Variants in USP24 observed in about 807,000 individuals in gnomAD.
USP24 encodes ubiquitin carboxyl-terminal hydrolase 24.
USP24 carries 97 observed loss-of-function variants against 361.6 expected under a neutral mutation model. The observed-to-expected ratio is 0.27, with a 90% confidence interval of 0.23 to 0.32. The LOEUF (loss-of-function observed/expected upper bound fraction) is 0.32, where lower values mean the gene tolerates loss of function less well. USP24 is among the 10% of genes least tolerant of loss of function. The pLI is 1.00. For missense variants in USP24, 2,353 were observed against 3,165.6 expected, an observed-to-expected ratio of 0.74 and a Z score of 6.16; for synonymous variants, 1,098 against 1,124.6, an observed-to-expected ratio of 0.98 and a Z score of 0.47.
At position 55,146,938 on chromosome 1, in the gene USP24, T is replaced by C. The variant is rs1215014796; in HGVS notation, c.2241A>G (p.Leu747=). 5.0e-6 allele frequency: 8 copies of C among 1,612,320 alleles called. No individual in the cohort carries two copies. The South Asian group carries it at 8.8e-5, about 18-fold the overall frequency. The change falls in exon 19 of 68, where the codon TTA becomes TTG. Residue 747 remains leucine (L), a synonymous_variant. Transcript: ENST00000294383. ...AATACCACCTTCTTACCTCTCTATC[T>C]AATTCACAAACATCCTGGCCAGTTA... The part of the protein sequence containing the change: ...CLVTGQDVCE[L]DREMCFEWFT...
intron 1 of USP24, among the ~76,000 whole-genome samples, chr1:55,192,786 A>T (rs1419558122): frequency 6.6e-6 from 1 of 152,244 alleles, no homozygotes; most frequent in Non-Finnish European, 1.5e-5. Flanking sequence ...ATGATAAACA[A>T]GTAAGTGTAT....
intron 1 of USP24, among the ~76,000 whole-genome samples, chr1:55,189,294 T>C (rs1408431034): frequency 6.6e-6 from 1 of 152,244 alleles, no homozygotes; most frequent in Non-Finnish European, 1.5e-5. Context: ...ATCCATTTTA[T>C]GTCCATGTGT....
At chr1:55,120,127 A>T (rs115034390) in intron 38 of USP24, among the ~76,000 whole-genome samples, 52 of 152,308 alleles carry the variant, frequency 3.4e-4, no homozygotes, top group African/African-American at 1.2e-3. Context: ...AAGATGGGGC[A>T]GGCAGAATAG....
chr1:55,086,355 C>G, intron 55 of USP24: 1 of 342,888 alleles, frequency 2.9e-6, no homozygotes. Context: ...CTGCAATTCT[C>G]TTGAAGGGAA....
intron 19 of USP24, 23 bp downstream of exon 19, chr1:55,146,906 T>C: frequency 6.2e-7 from 1 of 1,610,070 alleles, no homozygotes; most frequent in Middle Eastern, 1.7e-4. Flanking sequence ...TGCCTTACTT[T>C]ATCCACAATA....
chr1:55,178,731 A>ATAAATAAG (rs1440182723), intron 1 of USP24, among the ~76,000 whole-genome samples: 1 of 145,252 alleles, frequency 6.9e-6, no homozygotes, highest in African/African-American at 2.5e-5. Flanking sequence ...AAATAAATAA[A>ATAAATAAG]AAGAACTGTC....
intron 39 of USP24, 144 bp from the exon 40 acceptor site, chr1:55,107,574 T>G: frequency 4.8e-5 from 45 of 943,716 alleles, no homozygotes; most frequent in Non-Finnish European, 5.9e-5. Context: ...CCAGGCGAGC[T>G]GGCTCACATC....
intron 28 of USP24, among the ~76,000 whole-genome samples, chr1:55,135,000 G>A (rs1646694332): frequency 6.6e-6 from 1 of 152,144 alleles, no homozygotes; most frequent in Non-Finnish European, 1.5e-5. Flanking sequence ...GTATTTACAA[G>A]TGGGAAGATT....
At chr1:55,109,490 C>T (rs1004571352) in intron 39 of USP24, among the ~76,000 whole-genome samples, 1 of 152,164 alleles carries the variant, frequency 6.6e-6, no homozygotes, top group East Asian at 1.9e-4. Flanking sequence ...ACTAACCATA[C>T]GCTGCTTCCT....
chr1:55,150,236 C>T (rs923541611), intron 16 of USP24, among the ~76,000 whole-genome samples: 1 of 152,154 alleles, frequency 6.6e-6, no homozygotes, highest in African/African-American at 2.4e-5. Flanking sequence ...CAATGCAAAG[C>T]AGTGTGCTCC....
intron 1 of USP24, among the ~76,000 whole-genome samples, chr1:55,180,026 C>A (rs999686230): frequency 6.6e-6 from 1 of 152,204 alleles, no homozygotes; most frequent in Non-Finnish European, 1.5e-5. Context: ...GGTCTATCCC[C>A]TAACTGTCTC....
At position 55,097,524 on chromosome 1, in the gene USP24, T is replaced by C. The variant is rs1645523889; in HGVS notation, c.5715+74A>G. On this transcript the variant is annotated intron_variant, in intron 48 of 67. Transcript: ENST00000294383. ...TAACATGGTAGACAGAATATGAAAA[T>C]TGAAAAAGGAAAAAAAAAGAAGTGA... 5 of 1,503,284 alleles carry C rather than the reference T, an allele frequency of 3.3e-6. No homozygotes were observed. The Admixed American group carries it at 7.3e-5, about 22-fold the overall frequency. The allele number at this position is 1,503,284 out of a possible 1,614,324, so 93.1% of individuals were successfully genotyped here. A position where few individuals can be genotyped will look rare whatever the true frequency, so the allele number is the denominator to read the frequency against.
At chr1:55,188,401 T>C (rs1387470061) in intron 1 of USP24, among the ~76,000 whole-genome samples, 6 of 149,668 alleles carry the variant, frequency 4.0e-5, no homozygotes, top group Admixed American at 4.0e-4. Context: ...ATTAAGAAAG[T>C]GAAAAAAAGA....
intron 1 of USP24, among the ~76,000 whole-genome samples, chr1:55,188,984 A>AAAAAAAAAAAAAAAAAAAAAG (rs1644213361): frequency 6.9e-6 from 1 of 144,040 alleles, no homozygotes; most frequent in African/African-American, 2.5e-5. Flanking sequence ...AAAAAAAAAA[A>AAAAAAAAAAAAAAAAAAAAAG]AAAAAAAAAA....
At chr1:55,091,892 G>C in intron 54 of USP24, 131 bp downstream of exon 54, 5 of 650,618 alleles carry the variant, frequency 7.7e-6, no homozygotes, top group Non-Finnish European at 1.3e-5. Flanking sequence ...CTTAAAGCTA[G>C]AGACCATGTC....
At position 55,132,705 on chromosome 1, in the gene USP24, G is replaced by A; in HGVS notation, c.3382-5C>T. The A allele has an allele frequency of 6.2e-7, 1 of 1,609,706 alleles. No homozygotes were observed. Among genetic ancestry groups the A allele is most frequent in the Non-Finnish European group, 8.5e-7 (1 of 1,177,658 alleles). ...TGATTCAGACAGCAATGTTTTCTAA[G>A]TTTAAGAGAATGAGAAAGACATAAA... On this transcript the variant is annotated splice_region_variant and splice_polypyrimidine_tract_variant and intron_variant, in intron 30 of 67. Transcript: ENST00000294383.
intron 1 of USP24, among the ~76,000 whole-genome samples, chr1:55,200,672 AC>A (rs1380262048): frequency 1.3e-5 from 2 of 152,212 alleles, no homozygotes; most frequent in African/African-American, 2.4e-5. Context: ...TGAAACAAAA[AC>A]AACACTAAAA....
Position 55,106,265 on chromosome 1 carries a change from TG to T in USP24, c.4763-3del. ...ACAATGGTTTAATGAGTGATGAACC[TG>T]GAATAGAGCATAATATTCATGTTGA... On this transcript the variant is annotated splice_polypyrimidine_tract_variant and splice_region_variant and intron_variant, in intron 40 of 67. Transcript: ENST00000294383. 6.3e-7 allele frequency: 1 copy of T among 1,582,006 alleles called. No homozygotes were observed. Among genetic ancestry groups the T allele is most frequent in the Non-Finnish European group, 8.7e-7 (1 of 1,151,122 alleles).
chr1:55,214,947 A>G lies in USP24; in HGVS notation c.167T>C (p.Met56Thr), dbSNP rs1644952039. The change falls in exon 1 of 68, where the codon ATG becomes ACG. Residue 56 changes from methionine to threonine, a missense_variant. Physicochemically the swap from Met to Thr is moderately conservative, Grantham distance 81. Coordinates refer to ENST00000294383, the MANE Select transcript of USP24 (RefSeq NM_015306.3). ...GGGGCTGGGGCCACCGCCGCTGTCC[A>G]TGGGCTCGTAGCCGCCGTAGTCGAG... The part of the protein sequence containing the change: ...PGLDYGGYEP[M>T]DSGGGPSPGP... 2 of 1,413,618 alleles carry G rather than the reference A, an allele frequency of 1.4e-6. No individual in the cohort carries two copies. Among genetic ancestry groups the G allele is most frequent in the South Asian group, 2.8e-5 (2 of 71,946 alleles). 87.6% of individuals were successfully genotyped at this position (1,413,618 alleles called of 1,614,324 possible). A position where few individuals can be genotyped will look rare whatever the true frequency, so the allele number is the denominator to read the frequency against.
Sources: gnomAD v4.1 joint callset for allele counts (sites outside exome capture counted in the v4.1 genomes callset) on GRCh38, gnomAD v4.1.1 for gene constraint, MANE v1.5 for transcripts, NCBI Gene and HGNC (gene_info 2026-07-23, HGNC 2026-07-21) for gene names.